Variants in LRRC7 observed in about 807,000 individuals in gnomAD.
LRRC7 encodes the protein leucine rich repeat containing 7, also known as leucine-rich repeat-containing protein 7.
In LRRC7, 23 loss-of-function variants were observed where a neutral mutation model predicts 175.7. The ratio of observed to expected loss-of-function variants is 0.13; its 90% CI spans 0.09 to 0.19. The LOEUF (loss-of-function observed/expected upper bound fraction) is 0.19. Among genes scored for constraint, LRRC7 ranks in the 10% least tolerant of loss-of-function variants. LRRC7 has a pLI of 1.00. For synonymous variants in LRRC7, 685 were observed against 680.9 expected (o/e 1.01, Z -0.09); for missense variants, 1,354 against 1,904.7 (o/e 0.71, Z 5.38).
At chr1:69,732,551 T>A (rs984704429) in intron 2 of LRRC7, among the ~76,000 whole-genome samples, 7 of 151,960 alleles carry the variant, frequency 4.6e-5, no homozygotes, top group Non-Finnish European at 1.0e-4. Flanking sequence ...GCAAGAGAAT[T>A]TTTTTTAAGT....
chr1:70,013,001 A>G lies in LRRC7; in HGVS notation c.1162A>G (p.Met388Val). Reference sequence around the variant, plus strand: ...TGGAAGTTGTAAGAATGTAACAGTCATGTCTCTACGCTCCAACAAATTAGA... The same window carrying G: ...TGGAAGTTGTAAGAATGTAACAGTCGTGTCTCTACGCTCCAACAAATTAGA... The part of the protein sequence containing the change: ...EIGSCKNVTV[M>V]SLRSNKLEFL... Residue 388 changes from methionine (M) to valine (V), a missense_variant, in exon 13 of 27, where the codon ATG becomes GTG. Met to Val is a conservative substitution (Grantham distance 21, BLOSUM62 1). This residue lies in a region of LRRC7 where 201 missense variants were observed against 481.4 expected (regional missense o/e 0.42). Coordinates refer to ENST00000651989, the MANE Select transcript of LRRC7 (RefSeq NM_001370785.2). 6.4e-7 allele frequency: 1 copy of G among 1,571,978 alleles called. No individual in the cohort carries two copies. The highest frequency in any genetic ancestry group is 8.6e-7 in the Non-Finnish European group (1 of 1,158,564).
intron 2 of LRRC7, among the ~76,000 whole-genome samples, chr1:69,750,716 A>C (rs1184438907): frequency 6.6e-6 from 1 of 152,182 alleles, no homozygotes; most frequent in Non-Finnish European, 1.5e-5. Flanking sequence ...CATCCACTGA[A>C]TGGAATTGTT....
rs963020124 is a variant in LRRC7 at position 70,124,493 on chromosome 1, C to T, written c.*2606C>T. ...TGAGCTGAGATTGTGCCACTGCACT[C>T]CGGCCTGGGCAACAGAGCGAAACTC... On this transcript the variant is annotated 3_prime_UTR_variant, in exon 27 of 27. Transcript: ENST00000651989. 9.9e-5 allele frequency among the ~76,000 whole-genome samples: 15 copies of T among 152,120 alleles called. No individual in the cohort carries two copies. Among genetic ancestry groups the T allele is most frequent in the African/African-American group, 3.6e-4 (15 of 41,520 alleles).
intron 7 of LRRC7, among the ~76,000 whole-genome samples, chr1:69,892,964 CTTGA>C (rs1645879619): frequency 6.6e-6 from 1 of 152,130 alleles, no homozygotes; most frequent in South Asian, 2.1e-4. Flanking sequence ...CTCCAAGGCA[CTTGA>C]TTAAGAATCA....
chr1:69,641,149 T>C (rs1034418718), intron 1 of LRRC7, among the ~76,000 whole-genome samples: 4 of 151,654 alleles, frequency 2.6e-5, no homozygotes, highest in African/African-American at 9.7e-5. Context: ...CTTTTTACAT[T>C]AGGAATAAAT....
intron 4 of LRRC7, among the ~76,000 whole-genome samples, chr1:69,814,658 A>G (rs914083291): frequency 1.3e-5 from 2 of 152,068 alleles, no homozygotes; most frequent in Non-Finnish European, 2.9e-5. Flanking sequence ...AACTACTACT[A>G]TTTCTCTGTG....
chr1:70,122,400 G>GA lies in LRRC7; in HGVS notation c.*519dup, dbSNP rs1007582696. 6.6e-6 allele frequency: 1 copy of GA among 151,962 alleles called. No homozygotes were observed. Among genetic ancestry groups the GA allele is most frequent in the African/African-American group, 2.4e-5 (1 of 41,374 alleles). 9.4% of individuals were successfully genotyped at this position (151,962 alleles called of 1,614,324 possible). A position where few individuals can be genotyped will look rare whatever the true frequency, so the allele number is the denominator to read the frequency against. On this transcript the variant is annotated 3_prime_UTR_variant, in exon 27 of 27. Coordinates refer to ENST00000651989, the MANE Select transcript of LRRC7 (RefSeq NM_001370785.2). ...TCATAAACTAAACATCTCAGATAGA[G>GA]AAAAAATATATCTTAAAATAAGACT...
At chr1:69,707,945 G>A (rs547048815) in intron 2 of LRRC7, among the ~76,000 whole-genome samples, 41 of 152,184 alleles carry the variant, frequency 2.7e-4, no homozygotes, top group African/African-American at 9.2e-4. Flanking sequence ...TCTAACGGGT[G>A]GTATAAGAGA....
chr1:69,865,688 G>C (rs183973848), intron 7 of LRRC7, among the ~76,000 whole-genome samples: 1 of 151,710 alleles, frequency 6.6e-6, no homozygotes, highest in Non-Finnish European at 1.5e-5. Context: ...CACCGCATTA[G>C]CCAGGATAGT....
At chr1:69,724,673 T>C (rs1367872507) in intron 2 of LRRC7, among the ~76,000 whole-genome samples, 2 of 152,314 alleles carry the variant, frequency 1.3e-5, no homozygotes, top group Admixed American at 1.3e-4. Flanking sequence ...ATCTGTTACC[T>C]GCTGAGTACT....
intron 2 of LRRC7, among the ~76,000 whole-genome samples, chr1:69,719,684 T>TA (rs747809592): frequency 1.3e-5 from 2 of 151,734 alleles, no homozygotes; most frequent in Non-Finnish European, 3.0e-5. Context: ...CTGTCTACAG[T>TA]AAAAAATGGC....
intron 23 of LRRC7, among the ~76,000 whole-genome samples, chr1:70,072,699 C>T (rs562780345): frequency 1.3e-5 from 2 of 152,264 alleles, no homozygotes; most frequent in African/African-American, 4.8e-5. Flanking sequence ...AGCTTAATTA[C>T]TTCATACTAA....
intron 22 of LRRC7, among the ~76,000 whole-genome samples, chr1:70,050,396 A>G (rs1660660432): frequency 6.6e-6 from 1 of 152,092 alleles, no homozygotes; most frequent in African/African-American, 2.4e-5. Context: ...ATTTTTCACT[A>G]AATCACACCA....
chr1:69,846,459 C>T (rs1682383037), intron 7 of LRRC7, among the ~76,000 whole-genome samples: 1 of 151,720 alleles, frequency 6.6e-6, no homozygotes, highest in Non-Finnish European at 1.5e-5. Flanking sequence ...ATAAAAACTG[C>T]CTGCAGTAAC....
Position 70,039,702 on chromosome 1 carries a change from C to T in LRRC7, c.3878C>T (p.Thr1293Ile), listed in dbSNP as rs1298317361. 5 of 1,614,116 alleles carry T rather than the reference C, an allele frequency of 3.1e-6. No homozygotes were observed. The highest frequency in any genetic ancestry group is 3.4e-6 in the Non-Finnish European group (4 of 1,179,988). ...SDNSDLKTRPTPVKGEESCGK... is the reference protein window; with the variant it reads ...SDNSDLKTRPIPVKGEESCGK... Reference sequence around the variant, plus strand: ...AACAGTGATTTAAAGACGAGGCCTACTCCTGTGAAGGGAGAGGAGAGCTGT... The same window carrying T: ...AACAGTGATTTAAAGACGAGGCCTATTCCTGTGAAGGGAGAGGAGAGCTGT... The change falls in exon 21 of 27, where the codon ACT becomes ATT. Residue 1293 changes from threonine (T) to isoleucine (I), a missense_variant. Thr to Ile is a moderately conservative substitution (Grantham distance 89). Around this residue, in one of 4 missense-constraint regions of LRRC7, gnomAD observed 1,032 missense variants for 1,227.2 expected, o/e 0.84. Transcript: ENST00000651989.
rs1417186720 is a variant in LRRC7 at position 69,717,817 on chromosome 1, AG to A, written c.100+39340del. On this transcript the variant is annotated intron_variant, in intron 2 of 26. Transcript: ENST00000651989. Reference sequence around the variant, plus strand: ...AAGAAAGAAAGAAAGAAAGAAAGAAAGAAAGAAAGAAAGAAAGAAAGAAAAA... The same window carrying A: ...AAGAAAGAAAGAAAGAAAGAAAGAAAAAAGAAAGAAAGAAAGAAAGAAAAA... 5.4e-3 allele frequency among the ~76,000 whole-genome samples: 276 copies of A among 50,966 alleles called. 3 individuals are homozygous for A. Among genetic ancestry groups the A allele is most frequent in the Non-Finnish European group, 6.7e-3 (187 of 27,718 alleles). 33.4% of individuals were successfully genotyped at this position (50,966 alleles called of 152,430 possible).
At chr1:69,928,901 G>A (rs540914012) in intron 7 of LRRC7, among the ~76,000 whole-genome samples, 6 of 152,296 alleles carry the variant, frequency 3.9e-5, no homozygotes, top group South Asian at 4.1e-4. Flanking sequence ...CTTCTGCGTC[G>A]CTTACGCTGG....
Position 69,884,445 on chromosome 1 carries a change from T to C in LRRC7, c.647+46162T>C, listed in dbSNP as rs1405165482. Among the ~76,000 whole-genome samples, 16 of 118,506 alleles carry C rather than the reference T, an allele frequency of 1.4e-4. 2 individuals carry two copies. Among genetic ancestry groups the C allele is most frequent in the African/African-American group, 5.3e-4 (15 of 28,222 alleles). 77.7% of individuals were successfully genotyped at this position (118,506 alleles called of 152,430 possible). A position where few individuals can be genotyped will look rare whatever the true frequency, so the allele number is the denominator to read the frequency against. Reference sequence around the variant, plus strand: ...TGTTGTTGGTGTATAAGAATGCTTGTGATTTTTGTACATTGATTTTGTATC... The same window carrying C: ...TGTTGTTGGTGTATAAGAATGCTTGCGATTTTTGTACATTGATTTTGTATC... On this transcript the variant is annotated intron_variant, in intron 7 of 26. Transcript: ENST00000651989.
At chr1:69,882,199 G>C (rs937779832) in intron 7 of LRRC7, among the ~76,000 whole-genome samples, 1 of 152,070 alleles carries the variant, frequency 6.6e-6, no homozygotes, top group African/African-American at 2.4e-5. Flanking sequence ...CAGTTAGGAT[G>C]GGTATTATCA....
Sources: allele counts gnomAD v4.1 joint callset (sites outside exome capture counted in the v4.1 genomes callset), GRCh38; gene constraint gnomAD v4.1.1; regional missense constraint gnomAD v4.1.1; transcripts MANE v1.5; gene names NCBI Gene and HGNC (gene_info 2026-07-23, HGNC 2026-07-21).